DNAH8: variants seen among roughly 807,000 people sequenced by gnomAD.
DNAH8 encodes dynein axonemal heavy chain 8, also known as axonemal beta dynein heavy chain 8.
DNAH8 carries 382 observed loss-of-function variants against 562.1 expected under a neutral mutation model. The observed-to-expected ratio is 0.68, with a 90% CI of 0.63 to 0.74. The LOEUF (loss-of-function observed/expected upper bound fraction) is 0.74. DNAH8 is among the 30% of genes least tolerant of loss of function. The pLI is 0.00. For missense variants in DNAH8, 5,203 were observed against 5,620.4 expected (o/e 0.93, Z 2.37); for synonymous variants, 1,881 against 1,919.4 (o/e 0.98, Z 0.52).
intron 52 of DNAH8, among the ~76,000 whole-genome samples, chr6:38,875,135 A>C (rs1777897551): frequency 6.6e-6 from 1 of 152,220 alleles, no homozygotes; most frequent in South Asian, 2.1e-4. Flanking sequence ...TGTGTGTTCC[A>C]GTAAAACTTT....
intron 13 of DNAH8, among the ~76,000 whole-genome samples, chr6:38,776,649 T>C (rs997138522): frequency 1.2e-4 from 19 of 152,238 alleles, no homozygotes; most frequent in Admixed American, 1.1e-3. Flanking sequence ...TCACTCTTCC[T>C]GTGGCCTTAT....
At chr6:38,740,668 G>T (rs1764452278) in intron 7 of DNAH8, among the ~76,000 whole-genome samples, 1 of 151,836 alleles carries the variant, frequency 6.6e-6, no homozygotes, top group African/African-American at 2.4e-5. Flanking sequence ...AAGCTGGAGT[G>T]CAGTGGCATG....
chr6:38,970,354 C>T (rs1004525812), intron 82 of DNAH8, among the ~76,000 whole-genome samples: 15 of 152,144 alleles, frequency 9.9e-5, no homozygotes, highest in Admixed American at 3.9e-4. Context: ...GGGTGGGATT[C>T]TTTTCAGGTG....
At chr6:38,791,466 A>G (rs1306597026) in intron 20 of DNAH8, 89 bp from the exon 21 acceptor site, 3 of 1,428,492 alleles carry the variant, frequency 2.1e-6, no homozygotes, top group Admixed American at 2.6e-5. Context: ...AGCCTTCTAA[A>G]TTAATTTATA....
intron 58 of DNAH8, among the ~76,000 whole-genome samples, chr6:38,892,080 G>T (rs4714193): frequency 0.44 from 66,403 of 151,916 alleles, 15,426 homozygotes; most frequent in East Asian, 0.84. Context: ...GGTCCCCATA[G>T]TCTTGATTTT....
At chr6:39,023,478 G>C (rs1236726694) in intron 91 of DNAH8, among the ~76,000 whole-genome samples, 1 of 152,158 alleles carries the variant, frequency 6.6e-6, no homozygotes, top group Non-Finnish European at 1.5e-5. Flanking sequence ...GGGCGACAGA[G>C]CGAGACACCG....
Position 38,872,758 on chromosome 6 carries a change from A to T in DNAH8, c.7213A>T (p.Arg2405Ter). The part of the protein sequence containing the change: ...WTDGIFSTLW[R>*]KTLKAKKGEN... ...AGATGGGATTTTTTCTACTCTGTGG[A>T]GAAAAACATTAAAAGCTAAAAAAGG... The change falls in exon 50 of 93, where the codon AGA (arginine) becomes TGA (stop). Residue 2405 changes from arginine to a stop codon, truncating the protein, a stop_gained. Coordinates refer to ENST00000327475, the MANE Select transcript of DNAH8 (RefSeq NM_001206927.2). LOFTEE classifies it high-confidence loss of function. 6.2e-7 allele frequency: 1 copy of T among 1,614,150 alleles called. No homozygotes were observed.
intron 32 of DNAH8, among the ~76,000 whole-genome samples, chr6:38,837,494 A>G (rs573219336): frequency 2.1e-4 from 32 of 152,348 alleles, no homozygotes; most frequent in Non-Finnish European, 3.7e-4. Context: ...TGGTGTTAAA[A>G]TTGGATCTTC....
intron 33 of DNAH8, among the ~76,000 whole-genome samples, chr6:38,838,634 C>T (rs1346277447): frequency 1.3e-5 from 2 of 149,942 alleles, no homozygotes; most frequent in Non-Finnish European, 3.0e-5. Flanking sequence ...CTCCTGACCT[C>T]GTGATCCGCC....
intron 53 of DNAH8, among the ~76,000 whole-genome samples, chr6:38,880,273 C>CA (rs1778370551): frequency 1.3e-5 from 2 of 151,326 alleles, no homozygotes; most frequent in South Asian, 4.2e-4. Context: ...AAATAGAATC[C>CA]AAAAAAAGAA....
intron 67 of DNAH8, 52 bp from the exon 68 acceptor site, chr6:38,915,149 A>C: frequency 1.3e-6 from 2 of 1,490,804 alleles, no homozygotes; most frequent in Non-Finnish European, 1.8e-6. Flanking sequence ...AGATCTATAA[A>C]TTTTGCTTGA....
At chr6:38,766,980 A>G (rs187295937) in intron 11 of DNAH8, among the ~76,000 whole-genome samples, 1 of 152,288 alleles carries the variant, frequency 6.6e-6, no homozygotes, top group Admixed American at 6.5e-5. Context: ...CTTTTTGTAT[A>G]ATTAAAAATT....
rs1537232 is a variant in DNAH8 at position 38,984,222 on chromosome 6, C to T, written c.12968C>T (p.Thr4323Met). Reference protein sequence around the residue: ...CDIKKGVSWNTVRYMIGEVQY... With the variant: ...CDIKKGVSWNMVRYMIGEVQY... Reference sequence around the variant, plus strand: ...TTAATAAAGGGTGTATCATGGAATACGGTTCGGTACATGATCGGAGAAGTA... The same window carrying T: ...TTAATAAAGGGTGTATCATGGAATATGGTTCGGTACATGATCGGAGAAGTA... The change falls in exon 87 of 93, where the codon ACG (threonine) becomes ATG (methionine). Residue 4323 changes from threonine to methionine, a missense_variant. Thr to Met is a moderately conservative substitution (Grantham distance 81, BLOSUM62 -1). Transcript: ENST00000327475. The T allele has an allele frequency of 0.15, 244,801 of 1,582,878 alleles. 21,040 individuals are homozygous for T. Among genetic ancestry groups the T allele is most frequent in the East Asian group, 0.36 (16,202 of 44,556 alleles).
At position 38,990,182 on chromosome 6, in the gene DNAH8, T is replaced by C. The variant is rs112998568; in HGVS notation, c.13214+10T>C. The C allele has an allele frequency of 3.9e-4, 621 of 1,580,898 alleles. 2 individuals carry two copies. The African/African-American group carries it at 6.8e-3, about 17-fold the overall frequency. On this transcript the variant is annotated intron_variant, in intron 88 of 92. Transcript: ENST00000327475. ...CTAATGCTGATATCACGTAAGTCCC[T>C]GGCATTTTTTAATTTGAAGGGGTCA...
intron 21 of DNAH8, among the ~76,000 whole-genome samples, chr6:38,799,773 T>C (rs1000434877): frequency 4.6e-5 from 7 of 152,032 alleles, no homozygotes; most frequent in African/African-American, 1.4e-4. Context: ...CTCTCAACCC[T>C]CCCAGCCCCA....
At chr6:38,778,671 A>C (rs1246539564) in intron 14 of DNAH8, among the ~76,000 whole-genome samples, 1 of 152,202 alleles carries the variant, frequency 6.6e-6, no homozygotes, top group Non-Finnish European at 1.5e-5. Flanking sequence ...TGGTAGCAGA[A>C]AGTCTTTCAA....
chr6:39,007,222 CTTTCTT>C (rs1443857869), intron 88 of DNAH8, among the ~76,000 whole-genome samples: 1 of 152,164 alleles, frequency 6.6e-6, no homozygotes, highest in Non-Finnish European at 1.5e-5. Context: ...TCAAATGTCT[CTTTCTT>C]TTTAAGGATT....
In DNAH8 at chr6:38,838,016, T is replaced by A; in HGVS notation, c.4440T>A (p.Thr1480=). 1 of 1,612,076 alleles carries A rather than the reference T, an allele frequency of 6.2e-7. No homozygotes were observed. Among genetic ancestry groups the A allele is most frequent in the Non-Finnish European group, 8.5e-7 (1 of 1,179,102 alleles). ...AACAACTTTTTGGATTGCCTGTGAC[T>A]GATTATGAGGTTTTACACAAAACCA... ...SGEQLFGLPV[T]DYEVLHKTRK... is the part of the protein sequence containing the mutation. The change falls in exon 33 of 93, where the codon ACT becomes ACA. Residue 1480 remains threonine (T), a synonymous_variant. Coordinates refer to ENST00000327475, the MANE Select transcript of DNAH8 (RefSeq NM_001206927.2).
intron 87 of DNAH8, among the ~76,000 whole-genome samples, chr6:38,987,190 A>G (rs1301378141): frequency 6.6e-6 from 1 of 152,160 alleles, no homozygotes; most frequent in Non-Finnish European, 1.5e-5. Context: ...CTCCAGGGAG[A>G]TGTCTGAGCC....
Sources: gnomAD v4.1 joint callset for allele counts (sites outside exome capture counted in the v4.1 genomes callset) on GRCh38, gnomAD v4.1.1 for gene constraint, MANE v1.5 for transcripts, NCBI Gene and HGNC (gene_info 2026-07-23, HGNC 2026-07-21) for gene names.